CACNA1G: variants seen among roughly 807,000 people sequenced by gnomAD.
CACNA1G encodes voltage-dependent T-type calcium channel subunit alpha-1G.
A neutral mutation model predicts 219.4 loss-of-function variants in CACNA1G; 67 were observed. That is an observed-to-expected ratio of 0.31 (90% CI 0.25 to 0.37). The LOEUF (loss-of-function observed/expected upper bound fraction) is 0.37. Ranked by LOEUF, CACNA1G falls within the 10% of genes least tolerant of loss-of-function variation. The pLI is 1.00. For synonymous variants in CACNA1G, 1,296 were observed against 1,345.3 expected (o/e 0.96, Z 0.80); for missense variants, 2,380 against 3,231.4 (o/e 0.74, Z 6.39).
chr17:50,574,709 C>T (rs2040247084), intron 7 of CACNA1G, among the ~76,000 whole-genome samples: 1 of 152,090 alleles, frequency 6.6e-6, no homozygotes, highest in Non-Finnish European at 1.5e-5. Context: ...ACTAGTGAAG[C>T]TAATTATCAT....
rs754234942 is a variant in CACNA1G at position 50,618,145 on chromosome 17, G to A, written c.5305+19G>A. 6 of 1,613,442 alleles carry A rather than the reference G, an allele frequency of 3.7e-6. No homozygotes were observed. In the Admixed American group the frequency reaches 5.0e-5, roughly 13 times the overall value. On this transcript the variant is annotated intron_variant, in intron 31 of 37. Transcript: ENST00000359106. This position sits in a 1 kb window ranked among gnomAD's most constrained non-coding sequence, Gnocchi z 5.3. The stretch of plus-strand genomic sequence containing the variant: ...GACCTGGGTGAGTTGGGGTAGGGGA[G>A]GGTGGAGGAGCCAGGGCTGGAGACC...
rs775418255 is a variant in CACNA1G at position 50,604,196 on chromosome 17, C to T, written c.4211C>T (p.Thr1404Met). The part of the protein sequence containing the change: ...RAQGLKLVVE[T>M]LMSSLKPIGN... ...CAGGGGCTGAAGCTGGTGGTGGAGA[C>T]GCTGATGTCCTCACTGAAACCCATC... is the stretch of plus-strand genomic sequence containing the variant. Residue 1404 changes from threonine to methionine, a missense_variant, in exon 22 of 38, where the codon ACG becomes ATG. Thr to Met is a moderately conservative substitution (Grantham distance 81). Transcript: ENST00000359106. 3 of 1,613,574 alleles carry T rather than the reference C, an allele frequency of 1.9e-6. No individual in the cohort carries two copies. Among genetic ancestry groups the T allele is most frequent in the Non-Finnish European group, 2.5e-6 (3 of 1,179,700 alleles).
chr17:50,614,202 T>C (rs2049923301), intron 26 of CACNA1G, among the ~76,000 whole-genome samples: 1 of 152,178 alleles, frequency 6.6e-6, no homozygotes, highest in African/African-American at 2.4e-5. Context: ...GTCCTGTGCA[T>C]GGGAAAGGAC....
chr17:50,624,357 C>A lies in CACNA1G; in HGVS notation c.6230-3C>A. ...CCCCTCCCCCGCTTCCCTCCCTCCA[C>A]AGGCTCCGTCTTGTCCGTTCACTCC... On this transcript the variant is annotated splice_polypyrimidine_tract_variant and splice_region_variant and intron_variant, in intron 36 of 37. Coordinates refer to ENST00000359106, the MANE Select transcript of CACNA1G (RefSeq NM_018896.5). The A allele has an allele frequency of 6.4e-7, 1 of 1,568,128 alleles. No homozygotes were observed. The highest frequency in any genetic ancestry group is 8.7e-7 in the Non-Finnish European group (1 of 1,155,496).
rs371437098 is a variant in CACNA1G at position 50,592,104 on chromosome 17, C to G, written c.2910+12C>G. 1.7e-5 allele frequency: 28 copies of G among 1,604,064 alleles called. No homozygotes were observed. Among genetic ancestry groups the G allele is most frequent in the Middle Eastern group, 3.3e-4 (2 of 6,038 alleles). ...GCTTCCAGGCGGAGGTAACCCACTGCTCTGCCCACCTCACCCTGCCCACAG... is the reference window on the plus strand; with the variant it reads ...GCTTCCAGGCGGAGGTAACCCACTGGTCTGCCCACCTCACCCTGCCCACAG... On this transcript the variant is annotated intron_variant, in intron 13 of 37. Transcript: ENST00000359106.
Position 50,571,799 on chromosome 17 carries a change from T to C in CACNA1G, c.587-79T>C. On this transcript the variant is annotated intron_variant, in intron 4 of 37. Transcript: ENST00000359106. The surrounding 1 kb of genome is among the most constrained non-coding windows in gnomAD (Gnocchi z 4.3). ...GCCTCAGAGTCCCTGGTGGGGCCCCTCCGGGAGTGCTGCCGGGCCGTGGCA... is the reference window on the plus strand; with the variant it reads ...GCCTCAGAGTCCCTGGTGGGGCCCCCCCGGGAGTGCTGCCGGGCCGTGGCA... 3 of 1,524,824 alleles carry C rather than the reference T, an allele frequency of 2.0e-6. No individual in the cohort carries two copies. The South Asian group carries it at 3.4e-5, about 17-fold the overall frequency. The allele number at this position is 1,524,824 out of a possible 1,614,324, so 94.5% of individuals were successfully genotyped here.
chr17:50,620,751 A>C (rs1055285701), intron 34 of CACNA1G, among the ~76,000 whole-genome samples: 2 of 152,346 alleles, frequency 1.3e-5, no homozygotes, highest in African/African-American at 2.4e-5. Context: ...TCATGTGGGA[A>C]GGGACCTTGC....
At chr17:50,594,165 G>A (rs184216573) in intron 13 of CACNA1G, among the ~76,000 whole-genome samples, 2 of 152,344 alleles carry the variant, frequency 1.3e-5, no homozygotes, top group East Asian at 3.9e-4. Context: ...GGTGGTCCAG[G>A]GACACAGCCT....
chr17:50,599,644 C>A lies in CACNA1G; in HGVS notation c.3475C>A (p.Arg1159Ser). 1.9e-6 allele frequency: 3 copies of A among 1,612,924 alleles called. No individual in the cohort carries two copies. Among genetic ancestry groups the A allele is most frequent in the Non-Finnish European group, 1.7e-6 (2 of 1,179,446 alleles). The change falls in exon 17 of 38, where the codon CGC becomes AGC. Residue 1159 changes from arginine to serine, a missense_variant. Coordinates refer to ENST00000359106, the MANE Select transcript of CACNA1G (RefSeq NM_018896.5). ...ERASPAGSDH[R>S]HRGSLEREAK... ...GGCCAGCCCTGCGGGCAGTGACCATCGCCACAGGGGGTCCCTGGAGCGGGA... is the reference window on the plus strand; with the variant it reads ...GGCCAGCCCTGCGGGCAGTGACCATAGCCACAGGGGGTCCCTGGAGCGGGA...
At chr17:50,593,872 C>T (rs1381390642) in intron 13 of CACNA1G, among the ~76,000 whole-genome samples, 1 of 152,196 alleles carries the variant, frequency 6.6e-6, no homozygotes, top group African/African-American at 2.4e-5. Context: ...CCCTGTCCTG[C>T]ATGTGGTGGG....
Position 50,571,940 on chromosome 17 carries a change from C to T in CACNA1G, c.649C>T (p.Leu217Phe). The change falls in exon 5 of 38, where the codon CTC becomes TTC. Residue 217 changes from leucine (L) to phenylalanine (F), a missense_variant. Physicochemically the swap from Leu to Phe is conservative, Grantham distance 22. Coordinates refer to ENST00000359106, the MANE Select transcript of CACNA1G (RefSeq NM_018896.5). The surrounding 1 kb of genome is among the most constrained non-coding windows in gnomAD (Gnocchi z 4.3). ...GCCCATGCTGGGCAACGTCCTGCTG[C>T]TCTGCTTCTTCGTCTTCTTCATCTT... is the stretch of plus-strand genomic sequence containing the variant. ...TLPMLGNVLLLCFFVFFIFGI... is the reference protein window; with the variant it reads ...TLPMLGNVLLFCFFVFFIFGI... 6.2e-7 allele frequency: 1 copy of T among 1,614,012 alleles called. No homozygotes were observed. The highest frequency in any genetic ancestry group is 8.5e-7 in the Non-Finnish European group (1 of 1,179,870).
At chr17:50,597,127 G>A (rs894897104) in intron 16 of CACNA1G, among the ~76,000 whole-genome samples, 1 of 152,140 alleles carries the variant, frequency 6.6e-6, no homozygotes, top group African/African-American at 2.4e-5. Flanking sequence ...GCTGAAAACA[G>A]GGCCTAAGCT....
intron 1 of CACNA1G, among the ~76,000 whole-genome samples, chr17:50,564,191 A>G (rs2036978889): frequency 6.8e-6 from 1 of 148,118 alleles, no homozygotes; most frequent in African/African-American, 2.6e-5. Flanking sequence ...AAAGGCTCAG[A>G]AGTGCAAGCT....
Position 50,571,503 on chromosome 17 carries a change from A to G in CACNA1G, c.587-375A>G, listed in dbSNP as rs2039437665. On this transcript the variant is annotated intron_variant, in intron 4 of 37. Coordinates refer to ENST00000359106, the MANE Select transcript of CACNA1G (RefSeq NM_018896.5). This position sits in a 1 kb window ranked among gnomAD's most constrained non-coding sequence, Gnocchi z 4.3. ...CCTGGGTTCGAGTTCCGGCACCTAC[A>G]CTTAGCAGCTGTGTGATACTGGGTG... 6.6e-6 allele frequency among the ~76,000 whole-genome samples: 1 copy of G among 152,174 alleles called. No individual in the cohort carries two copies. Among genetic ancestry groups the G allele is most frequent in the Non-Finnish European group, 1.5e-5 (1 of 68,030 alleles).
chr17:50,593,311 G>A (rs2044742190), intron 13 of CACNA1G, among the ~76,000 whole-genome samples: 1 of 152,198 alleles, frequency 6.6e-6, no homozygotes, highest in African/African-American at 2.4e-5. Flanking sequence ...GTGAGGACCG[G>A]GCCCCCTGGC....
In CACNA1G at chr17:50,624,064, A is replaced by G. The variant is rs1423734557; in HGVS notation, c.6218A>G (p.Lys2073Arg). Residue 2073 changes from lysine to arginine, a missense_variant, in exon 36 of 38, where the codon AAA (lysine) becomes AGA (arginine). Around this residue, in one of 17 missense-constraint regions of CACNA1G, gnomAD observed 672 missense variants for 670.5 expected, o/e 1.00. Transcript: ENST00000359106. ...PLGHRGWGLPKAQSGSVLSVH... is the reference protein window; with the variant it reads ...PLGHRGWGLPRAQSGSVLSVH... The stretch of plus-strand genomic sequence containing the variant: ...GGACACAGGGGCTGGGGGCTCCCCA[A>G]AGCTCAGTCAGGTACCAGGGCTAGA... 1 of 1,612,084 alleles carries G rather than the reference A, an allele frequency of 6.2e-7. No individual in the cohort carries two copies. Among genetic ancestry groups the G allele is most frequent in the East Asian group, 2.2e-5 (1 of 44,826 alleles).
chr17:50,602,528 G>C (rs1162077228), intron 19 of CACNA1G, among the ~76,000 whole-genome samples: 1 of 152,218 alleles, frequency 6.6e-6, no homozygotes, highest in Non-Finnish European at 1.5e-5. Context: ...GTGGGACGCA[G>C]ATCACAGCAC....
In CACNA1G at chr17:50,618,201, C is replaced by A. The variant is rs770910980; in HGVS notation, c.5306-21C>A. On this transcript the variant is annotated intron_variant, in intron 31 of 37. Coordinates refer to ENST00000359106, the MANE Select transcript of CACNA1G (RefSeq NM_018896.5). This position sits in a 1 kb window ranked among gnomAD's most constrained non-coding sequence, Gnocchi z 5.3. ...GCTCCTGGACTAACATGGGCCTCTCCCCCTTTCCCTCCTCCCCCAGAGTGT... is the reference window on the plus strand; with the variant it reads ...GCTCCTGGACTAACATGGGCCTCTCACCCTTTCCCTCCTCCCCCAGAGTGT... 1 of 1,613,122 alleles carries A rather than the reference C, an allele frequency of 6.2e-7. No homozygotes were observed. Among genetic ancestry groups the A allele is most frequent in the South Asian group, 1.1e-5 (1 of 91,046 alleles).
intron 35 of CACNA1G, among the ~76,000 whole-genome samples, chr17:50,623,242 C>T (rs1302592683): frequency 6.8e-6 from 1 of 147,946 alleles, no homozygotes; most frequent in Non-Finnish European, 1.5e-5. Flanking sequence ...ATTACAGGTG[C>T]CACGCCACCA....
Sources: allele counts gnomAD v4.1 joint callset (sites outside exome capture counted in the v4.1 genomes callset), GRCh38; gene constraint gnomAD v4.1.1; regional missense constraint gnomAD v4.1.1; non-coding constraint Gnocchi (gnomAD v3.1); transcripts MANE v1.5; gene names NCBI Gene and HGNC (gene_info 2026-07-23, HGNC 2026-07-21).